Variants in MX1 observed in about 807,000 individuals in gnomAD.
The protein encoded by MX1 is MX dynamin like GTPase 1.
Under a neutral mutation model 66.4 loss-of-function variants are expected in MX1, and 66 were observed. The ratio of observed to expected loss-of-function variants is 0.99; its 90% CI spans 0.82 to 1.22. MX1 has a LOEUF of 1.22. Among genes scored for constraint, MX1 ranks in the 50% most tolerant of loss-of-function variants. The pLI, the probability that MX1 is intolerant of heterozygous loss-of-function variation, is 0.00. For synonymous variants in MX1, 311 were observed against 318.1 expected (o/e 0.98, Z 0.24); for missense variants, 787 against 834.3 (o/e 0.94, Z 0.70).
rs1260439256 is a variant in MX1 at position 41,452,727 on chromosome 21, G to A, written c.1616G>A (p.Arg539Lys). The change falls in exon 16 of 17, where the codon AGG becomes AAG. Residue 539 changes from arginine to lysine, a missense_variant. Physicochemically the swap from Arg to Lys is conservative, Grantham distance 26. Coordinates refer to ENST00000398598, the MANE Select transcript of MX1 (RefSeq NM_002462.5). ...QIVYCQDQVY[R>K]GALQKVREKE... The stretch of plus-strand genomic sequence containing the variant: ...GTCTACTGCCAGGACCAGGTATACA[G>A]GGGTGCATTGCAGAAGGTCAGAGAG... 1.9e-6 allele frequency: 3 copies of A among 1,614,174 alleles called. No homozygotes were observed. The highest frequency in any genetic ancestry group is 8.5e-7 in the Non-Finnish European group (1 of 1,180,024).
rs751957769 is a variant in MX1 at position 41,441,940 on chromosome 21, G to A, written c.929+26G>A. The A allele has an allele frequency of 1.2e-6, 2 of 1,613,320 alleles. No individual in the cohort carries two copies. Among genetic ancestry groups the A allele is most frequent in the Admixed American group, 1.7e-5 (1 of 59,964 alleles). ...GTGCGCTTGCCTGGGTTTCATCATG[G>A]ATCAGTCCAAGCCCAGGATGTCAGG... On this transcript the variant is annotated intron_variant, in intron 10 of 16. Transcript: ENST00000398598. The surrounding 1 kb of genome is among the most constrained non-coding windows in gnomAD (Gnocchi z 4.0).
intron 7 of MX1, 86 bp downstream of exon 7, chr21:41,437,238 G>C: frequency 6.7e-7 from 1 of 1,490,612 alleles, no homozygotes; most frequent in Non-Finnish European, 9.2e-7. Context: ...CACCTCCCTG[G>C]GCCTGTGCTG....
chr21:41,452,495 G>A (rs1196119336), intron 15 of MX1, 126 bp from the exon 16 acceptor site: 2 of 1,115,648 alleles, frequency 1.8e-6, no homozygotes, highest in African/African-American at 3.2e-5. Context: ...CCAGAGGGCT[G>A]TTCCAGGAAA....
intron 7 of MX1, 34 bp downstream of exon 7, chr21:41,437,186 CT>C: frequency 6.2e-7 from 1 of 1,612,330 alleles, no homozygotes; most frequent in African/African-American, 1.3e-5. Flanking sequence ...CTGGTCAAGC[CT>C]TCTGACATGC....
intron 7 of MX1, among the ~76,000 whole-genome samples, chr21:41,438,509 T>C (rs2146189859): frequency 6.6e-6 from 1 of 152,290 alleles, no homozygotes; most frequent in South Asian, 2.1e-4. Context: ...CTTATCAATG[T>C]GGGTGGAGGG....
Position 41,427,190 on chromosome 21 carries a change from C to T in MX1, c.-308-16C>T, listed in dbSNP as rs2146047493. 6.6e-6 allele frequency: 1 copy of T among 152,386 alleles called. No individual in the cohort carries two copies. The highest frequency in any genetic ancestry group is 2.4e-5 in the African/African-American group (1 of 41,590). The allele number at this position is 152,386 out of a possible 1,614,324, so 9.4% of individuals were successfully genotyped here. ...CAGTCCCAAAGGGCTCCTAAAATGGCTGTGTCATCTTTCAGCCTTGGACCG... is the reference window on the plus strand; with the variant it reads ...CAGTCCCAAAGGGCTCCTAAAATGGTTGTGTCATCTTTCAGCCTTGGACCG... On this transcript the variant is annotated splice_polypyrimidine_tract_variant and intron_variant, in intron 1 of 16. Transcript: ENST00000398598.
At chr21:41,451,275 A>G (rs1467489508) in intron 15 of MX1, 32 bp downstream of exon 15, 2 of 1,365,672 alleles carry the variant, frequency 1.5e-6, no homozygotes, top group Non-Finnish European at 2.1e-6. Flanking sequence ...TTAAAAAAAA[A>G]AAAGAAAAGA....
At position 41,451,204 on chromosome 21, in the gene MX1, A is replaced by C. The variant is rs752924112; in HGVS notation, c.1470A>C (p.Lys490Asn). ...TTGCTTTCACAGATGTTTCGATAAAAAATTTTGAAGAGTTTTTTAACCTCC... is the reference window on the plus strand; with the variant it reads ...TTGCTTTCACAGATGTTTCGATAAACAATTTTGAAGAGTTTTTTAACCTCC... ...VRLAFTDVSI[K>N]NFEEFFNLHR... is the part of the protein sequence containing the mutation. Residue 490 changes from lysine (K) to asparagine (N), a missense_variant, in exon 15 of 17, where the codon AAA becomes AAC. Physicochemically the swap from Lys to Asn is moderately conservative, Grantham distance 94 (BLOSUM62 0). Coordinates refer to ENST00000398598, the MANE Select transcript of MX1 (RefSeq NM_002462.5). 3 of 1,613,390 alleles carry C rather than the reference A, an allele frequency of 1.9e-6. No individual in the cohort carries two copies. Among genetic ancestry groups the C allele is most frequent in the Non-Finnish European group, 2.5e-6 (3 of 1,179,532 alleles).
At chr21:41,442,028 T>C (rs1277068727) in intron 10 of MX1, 114 bp downstream of exon 10, 27 of 865,660 alleles carry the variant, frequency 3.1e-5, no homozygotes, top group African/African-American at 9.1e-5. Context: ...TGTGTGTGCG[T>C]GTGTGTGTGT....
intron 4 of MX1, among the ~76,000 whole-genome samples, chr21:41,431,481 A>ATTTTT (rs57746167): frequency 4.7e-4 from 70 of 148,206 alleles, no homozygotes; most frequent in African/African-American, 1.7e-3. Flanking sequence ...GGCATATTCT[A>ATTTTT]TTTTTTTTTT....
At chr21:41,437,590 G>A (rs1021716086) in intron 7 of MX1, among the ~76,000 whole-genome samples, 4 of 152,168 alleles carry the variant, frequency 2.6e-5, no homozygotes, top group African/African-American at 7.2e-5. Context: ...GCAGTGAGCC[G>A]TGATCTTGCT....
intron 8 of MX1, 117 bp from the exon 9 acceptor site, chr21:41,440,770 T>C (rs2090483680): frequency 1.6e-6 from 2 of 1,216,726 alleles, no homozygotes; most frequent in African/African-American, 1.5e-5. Flanking sequence ...GTTACTTCTT[T>C]TGGGGGAAAT....
chr21:41,441,864 C>G lies in MX1; in HGVS notation c.879C>G (p.Ser293=), dbSNP rs148821925. ...QQEIQDQLSL[S]EALQREKIFF... The stretch of plus-strand genomic sequence containing the variant: ...AGATCCAGGACCAGCTGAGCCTGTC[C>G]GAAGCCCTGCAGAGAGAGAAGATCT... Residue 293 remains serine (S), a synonymous_variant, in exon 10 of 17, where the codon TCC becomes TCG. Transcript: ENST00000398598. The surrounding 1 kb of genome is among the most constrained non-coding windows in gnomAD (Gnocchi z 4.0). 3.7e-6 allele frequency: 6 copies of G among 1,613,988 alleles called. No individual in the cohort carries two copies. The African/African-American group carries it at 8.0e-5, about 22-fold the overall frequency.
intron 3 of MX1, chr21:41,429,708 C>G (rs2146080353): frequency 1.3e-5 from 2 of 152,084 alleles, no homozygotes; most frequent in African/African-American, 4.8e-5. Context: ...AAATTGAGAC[C>G]ATCCTGGCTA....
chr21:41,439,595 A>G, intron 7 of MX1, 99 bp from the exon 8 acceptor site: 1 of 1,131,382 alleles, frequency 8.8e-7, no homozygotes. Context: ...TTTATCCATG[A>G]CTCGCAGAGA....
chr21:41,435,429 T>C (rs1371111006), intron 5 of MX1, among the ~76,000 whole-genome samples: 3 of 152,252 alleles, frequency 2.0e-5, no homozygotes, highest in Non-Finnish European at 2.9e-5. Context: ...TTTAATGGAG[T>C]GTATTGGTTC....
At chr21:41,432,410 G>A (rs35952003) in intron 5 of MX1, among the ~76,000 whole-genome samples, 8 of 152,216 alleles carry the variant, frequency 5.3e-5, no homozygotes, top group Middle Eastern at 3.2e-3. Context: ...CTGAGCTGTC[G>A]ATGGGTTCAG....
chr21:41,447,614 G>T (rs1260001326), intron 13 of MX1, among the ~76,000 whole-genome samples: 1 of 152,228 alleles, frequency 6.6e-6, no homozygotes, highest in Non-Finnish European at 1.5e-5. Context: ...GCTGCCAGGG[G>T]CTGGGGAGGG....
rs780437585 is a variant in MX1, at chr21:41,441,775, G to A, written c.790G>A (p.Val264Met). Reference protein sequence around the residue: ...KGTEDKVVDVVRNLVFHLKKG... With the variant: ...KGTEDKVVDVMRNLVFHLKKG... ...AACTGAAGACAAGGTTGTGGACGTG[G>A]TGCGGAACCTCGTGTTCCACCTGAA... Residue 264 changes from valine (V) to methionine (M), a missense_variant, in exon 10 of 17, where the codon GTG becomes ATG. Coordinates refer to ENST00000398598, the MANE Select transcript of MX1 (RefSeq NM_002462.5). The surrounding 1 kb of genome is among the most constrained non-coding windows in gnomAD (Gnocchi z 4.0). 8 of 1,614,202 alleles carry A rather than the reference G, an allele frequency of 5.0e-6. No individual in the cohort carries two copies. The highest frequency in any genetic ancestry group is 1.3e-5 in the African/African-American group (1 of 75,030).
Sources: gnomAD v4.1 joint callset for allele counts (sites outside exome capture counted in the v4.1 genomes callset) on GRCh38, gnomAD v4.1.1 for gene constraint, Gnocchi (gnomAD v3.1) non-coding constraint, MANE v1.5 for transcripts, NCBI Gene and HGNC (gene_info 2026-07-23, HGNC 2026-07-21) for gene names.